LRRC7: variants seen among roughly 807,000 people sequenced by gnomAD.
The protein encoded by LRRC7 is leucine-rich repeat-containing protein 7.
LRRC7 carries 23 observed loss-of-function variants against 175.7 expected under a neutral mutation model. The observed-to-expected ratio is 0.13, with a 90% CI of 0.09 to 0.19. The LOEUF is 0.19. Ranked by LOEUF, LRRC7 falls within the 10% of genes least tolerant of loss-of-function variation. The pLI, the probability that LRRC7 is intolerant of heterozygous loss-of-function variation, is 1.00. For synonymous variants in LRRC7, 685 were observed against 680.9 expected (o/e 1.01, Z -0.09); for missense variants, 1,354 against 1,904.7 (o/e 0.71, Z 5.38).
chr1:69,793,841 G>A (rs1182742677), intron 4 of LRRC7, among the ~76,000 whole-genome samples: 1 of 152,076 alleles, frequency 6.6e-6, no homozygotes, highest in Non-Finnish European at 1.5e-5. Context: ...ATAAATGAAT[G>A]ATTGTTCCAA....
intron 2 of LRRC7, among the ~76,000 whole-genome samples, chr1:69,729,005 C>T (rs1172084192): frequency 1.3e-5 from 2 of 152,094 alleles, no homozygotes; most frequent in African/African-American, 4.8e-5. Flanking sequence ...CTACACATGG[C>T]AGCAGCAAGG....
At chr1:70,085,640 G>GT (rs944311522) in intron 24 of LRRC7, among the ~76,000 whole-genome samples, 2 of 151,962 alleles carry the variant, frequency 1.3e-5, no homozygotes, top group African/African-American at 2.4e-5. Flanking sequence ...CTCAGAGAGG[G>GT]TTTTTTTACC....
At chr1:69,733,378 G>A (rs532112925) in intron 2 of LRRC7, among the ~76,000 whole-genome samples, 2 of 151,922 alleles carry the variant, frequency 1.3e-5, no homozygotes, top group South Asian at 2.1e-4. Flanking sequence ...ATTCACCCAG[G>A]GACAGAGAAG....
rs377338726 is a variant in LRRC7 at position 69,667,432 on chromosome 1, G to T, written c.3-10949G>T. Among the ~76,000 whole-genome samples the T allele has an allele frequency of 3.9e-5, 6 of 152,002 alleles. No homozygotes were observed. The East Asian group carries it at 1.2e-3, about 29-fold the overall frequency. ...AAGTCTCCAGCTTTTATTGTGTTGG[G>T]TTCTATCTCTCTCTTTAGCACTAAT... On this transcript the variant is annotated intron_variant, in intron 1 of 26. Coordinates refer to ENST00000651989, the MANE Select transcript of LRRC7 (RefSeq NM_001370785.2).
At chr1:69,583,421 A>G (rs183291907) in intron 1 of LRRC7, among the ~76,000 whole-genome samples, 18 of 152,206 alleles carry the variant, frequency 1.2e-4, no homozygotes, top group Admixed American at 5.2e-4. Context: ...TTCTTGGGAA[A>G]CTAGTTGGAC....
chr1:69,847,459 AAT>A (rs1682497532), intron 7 of LRRC7, among the ~76,000 whole-genome samples: 1 of 152,082 alleles, frequency 6.6e-6, no homozygotes, highest in Non-Finnish European at 1.5e-5. Context: ...TCCAGTAGCC[AAT>A]ATCAAATGGA....
chr1:69,628,267 A>G (rs1158493857), intron 1 of LRRC7, among the ~76,000 whole-genome samples: 1 of 152,200 alleles, frequency 6.6e-6, no homozygotes. Flanking sequence ...TTTTGGAATA[A>G]GTGCTTATAC....
At chr1:69,775,234 AT>A (rs1672681116) in intron 3 of LRRC7, among the ~76,000 whole-genome samples, 1 of 152,222 alleles carries the variant, frequency 6.6e-6, no homozygotes, top group South Asian at 2.1e-4. Context: ...AAAAGTAAAA[AT>A]GTAATTTCAT....
intron 2 of LRRC7, among the ~76,000 whole-genome samples, chr1:69,753,283 CGTGTGTGTGTGTATGT>C (rs1267071807): frequency 1.9e-4 from 25 of 131,136 alleles, no homozygotes; most frequent in African/African-American, 6.6e-4. Flanking sequence ...AAATCATTGT[CGTGTGTGTGTGTATGT>C]GTGTGTGTGT....
At chr1:69,776,080 G>T (rs1001952153) in intron 3 of LRRC7, among the ~76,000 whole-genome samples, 2 of 152,080 alleles carry the variant, frequency 1.3e-5, no homozygotes, top group Non-Finnish European at 2.9e-5. Flanking sequence ...TCTTAGAGTT[G>T]GGCAGACTTA....
intron 8 of LRRC7, among the ~76,000 whole-genome samples, chr1:69,967,167 G>A (rs1355646568): frequency 6.6e-6 from 1 of 152,082 alleles, no homozygotes; most frequent in Non-Finnish European, 1.5e-5. Flanking sequence ...TGAGACCTCT[G>A]ACTGCCACTT....
At chr1:70,057,004 G>A (rs970765473) in intron 23 of LRRC7, among the ~76,000 whole-genome samples, 1 of 152,066 alleles carries the variant, frequency 6.6e-6, no homozygotes, top group Non-Finnish European at 1.5e-5. Flanking sequence ...AAATGTTGGG[G>A]GGGGAATCCA....
chr1:69,631,544 G>C (rs1011439271), intron 1 of LRRC7, among the ~76,000 whole-genome samples: 2 of 152,020 alleles, frequency 1.3e-5, no homozygotes, highest in Non-Finnish European at 2.9e-5. Flanking sequence ...ATTATGGCCA[G>C]GGCCCCAGGG....
intron 4 of LRRC7, among the ~76,000 whole-genome samples, chr1:69,816,797 C>T (rs1483690141): frequency 6.6e-6 from 1 of 152,096 alleles, no homozygotes; most frequent in African/African-American, 2.4e-5. Flanking sequence ...CCAACACCTC[C>T]TCATTACCCG....
In LRRC7 at chr1:70,137,747, A is replaced by G. The variant is rs1471378263; in HGVS notation, c.*15860A>G. Among the ~76,000 whole-genome samples the G allele has an allele frequency of 6.6e-6, 1 of 152,258 alleles. No individual in the cohort carries two copies. The highest frequency in any genetic ancestry group is 2.4e-5 in the African/African-American group (1 of 41,470). On this transcript the variant is annotated 3_prime_UTR_variant, in exon 27 of 27. Transcript: ENST00000651989. ...GCTGAAATGCTGACATGGCCTATCCAGCCAGAGCCTTCAATTAAGAGTTCT... is the reference window on the plus strand; with the variant it reads ...GCTGAAATGCTGACATGGCCTATCCGGCCAGAGCCTTCAATTAAGAGTTCT...
At position 70,104,342 on chromosome 1, in the gene LRRC7, G is replaced by A. The variant is rs528946048; in HGVS notation, c.4546-3410G>A. Among the ~76,000 whole-genome samples the A allele has an allele frequency of 1.7e-4, 26 of 152,260 alleles. No individual in the cohort carries two copies. The South Asian group carries it at 5.4e-3, about 32-fold the overall frequency. On this transcript the variant is annotated intron_variant, in intron 25 of 26. Coordinates refer to ENST00000651989, the MANE Select transcript of LRRC7 (RefSeq NM_001370785.2). ...CATCATAAAAGAGACCACAAAATGG[G>A]TTTAGATTTATCTGGTCTCTTTCAT...
chr1:69,879,706 T>G (rs1031001763), intron 7 of LRRC7: 1 of 152,250 alleles, frequency 6.6e-6, no homozygotes, highest in East Asian at 1.9e-4. Context: ...GTGGCAACAC[T>G]AAGTTTGGCA....
intron 2 of LRRC7, among the ~76,000 whole-genome samples, chr1:69,731,752 C>A (rs1291234836): frequency 1.3e-5 from 2 of 152,104 alleles, no homozygotes; most frequent in Admixed American, 1.3e-4. Flanking sequence ...TGAAAGTTAG[C>A]AAATCTATAC....
intron 24 of LRRC7, among the ~76,000 whole-genome samples, chr1:70,081,182 T>C (rs1663184364): frequency 6.6e-6 from 1 of 152,224 alleles, no homozygotes; most frequent in African/African-American, 2.4e-5. Flanking sequence ...CTGCTTTAGA[T>C]GTTCTATAGC....
Sources: allele counts gnomAD v4.1 joint callset (sites outside exome capture counted in the v4.1 genomes callset), GRCh38; gene constraint gnomAD v4.1.1; transcripts MANE v1.5; gene names NCBI Gene and HGNC (gene_info 2026-07-23, HGNC 2026-07-21).